PLEKHA3: variants seen among roughly 807,000 people sequenced by gnomAD.
The protein encoded by PLEKHA3 is pleckstrin homology domain containing A3, also known as pleckstrin homology domain-containing family A member 3.
Under a neutral mutation model 39.2 loss-of-function variants are expected in PLEKHA3, and 19 were observed. The observed-to-expected ratio is 0.48, with a 90% CI of 0.34 to 0.71. The LOEUF (loss-of-function observed/expected upper bound fraction) is 0.71. Ranked by LOEUF, PLEKHA3 falls within the 30% of genes least tolerant of loss-of-function variation. The pLI, the probability that PLEKHA3 is intolerant of heterozygous loss-of-function variation, is 0.01. For synonymous variants in PLEKHA3, 97 were observed against 118.6 expected, an observed-to-expected ratio of 0.82 and a Z score of 1.18; for missense variants, 253 against 359.5, an observed-to-expected ratio of 0.70 and a Z score of 2.40.
Position 178,513,018 on chromosome 2 carries a change from T to G in PLEKHA3, c.*9131T>G, listed in dbSNP as rs1465316986. On this transcript the variant is annotated 3_prime_UTR_variant, in exon 8 of 8. Transcript: ENST00000234453. Reference sequence around the variant, plus strand: ...GATTAGCTCATCCATAGCAGGGTGGTTAAATAAACAGTGGCACTTTTTTTT... The same window carrying G: ...GATTAGCTCATCCATAGCAGGGTGGGTAAATAAACAGTGGCACTTTTTTTT... 5 of 153,710 alleles carry G rather than the reference T, an allele frequency of 3.3e-5. No homozygotes were observed. Among genetic ancestry groups the G allele is most frequent in the African/African-American group, 1.2e-4 (5 of 41,414 alleles). 9.5% of individuals were successfully genotyped at this position (153,710 alleles called of 1,614,324 possible).
intron 4 of PLEKHA3, 35 bp downstream of exon 4, chr2:178,494,024 G>C (rs1250140594): frequency 6.2e-7 from 1 of 1,604,570 alleles, no homozygotes; most frequent in Admixed American, 1.7e-5. Flanking sequence ...GTGTGGTTAT[G>C]CTTTGGAGTA....
rs906744705 is a variant in PLEKHA3 at position 178,515,240 on chromosome 2, CTG to C, written c.*11358_*11359del. The C allele has an allele frequency of 1.3e-5, 2 of 151,776 alleles. No individual in the cohort carries two copies. The highest frequency in any genetic ancestry group is 2.9e-5 in the Non-Finnish European group (2 of 67,986). The allele number at this position is 151,776 out of a possible 1,614,324, so 9.4% of individuals were successfully genotyped here. On this transcript the variant is annotated 3_prime_UTR_variant, in exon 8 of 8. Coordinates refer to ENST00000234453, the MANE Select transcript of PLEKHA3 (RefSeq NM_019091.4). ...TACTCTAGAGAAAACGAAAGACTCA[CTG>C]TGTGAGTTTTCTTGCCCTCTGGTTT...
At position 178,485,623 on chromosome 2, in the gene PLEKHA3, T is replaced by G. The variant is rs781561622; in HGVS notation, c.41-18T>G. On this transcript the variant is annotated intron_variant, in intron 1 of 7. Transcript: ENST00000234453. ...AATGTGTTTCCAATTGACCTTTTGT[T>G]ATTTATGGTCTTTTTAGGCTGGCAG... 1 of 1,523,214 alleles carries G rather than the reference T, an allele frequency of 6.6e-7. No individual in the cohort carries two copies. Among genetic ancestry groups the G allele is most frequent in the South Asian group, 1.1e-5 (1 of 88,798 alleles). 94.4% of individuals were successfully genotyped at this position (1,523,214 alleles called of 1,614,324 possible). A position where few individuals can be genotyped will look rare whatever the true frequency, so the allele number is the denominator to read the frequency against.
chr2:178,509,526 TGAGTATAGTG>T lies in PLEKHA3; in HGVS notation c.*5644_*5653del, dbSNP rs1254692558. 6.6e-6 allele frequency: 1 copy of T among 151,886 alleles called. No homozygotes were observed. Among genetic ancestry groups the T allele is most frequent in the Non-Finnish European group, 1.5e-5 (1 of 67,990 alleles). 9.4% of individuals were successfully genotyped at this position (151,886 alleles called of 1,614,324 possible). A position where few individuals can be genotyped will look rare whatever the true frequency, so the allele number is the denominator to read the frequency against. ...AGGGTCTCACTCTTTCACCCAGTCT[TGAGTATAGTG>T]GAGTGATCTCAGCTCACTGCAGTCT... is the stretch of plus-strand genomic sequence containing the variant. On this transcript the variant is annotated 3_prime_UTR_variant, in exon 8 of 8. Transcript: ENST00000234453.
In PLEKHA3 at chr2:178,490,379, G is replaced by C. The variant is rs182197291; in HGVS notation, c.158-280G>C. 5.9e-5 allele frequency among the ~76,000 whole-genome samples: 9 copies of C among 152,296 alleles called. No homozygotes were observed. The East Asian group carries it at 1.5e-3, about 26-fold the overall frequency. On this transcript the variant is annotated intron_variant, in intron 2 of 7. Transcript: ENST00000234453. ...TTAATAGGATAAGTGGCCCCAAGGT[G>C]GGGGAGGGCTGTCACTTCTCAGTAG...
In PLEKHA3 at chr2:178,499,913, T is replaced by A. The variant is rs115240964; in HGVS notation, c.659+659T>A. Among the ~76,000 whole-genome samples the A allele has an allele frequency of 5.2e-3, 786 of 152,252 alleles. 9 individuals carry two copies. Among genetic ancestry groups the A allele is most frequent in the African/African-American group, 0.019 (769 of 41,566 alleles). On this transcript the variant is annotated intron_variant, in intron 6 of 7. Transcript: ENST00000234453. ...AAGTACATTTTTGATGTGTTGAGAC[T>A]CCACAGCTAGGGCTCATTTTACCTC...
In PLEKHA3 at chr2:178,486,262, A is replaced by G. The variant is rs1047368704; in HGVS notation, c.157+505A>G. Among the ~76,000 whole-genome samples the G allele has an allele frequency of 2.0e-5, 3 of 152,232 alleles. No homozygotes were observed. The South Asian group carries it at 6.2e-4, about 32-fold the overall frequency. ...CTTCCAAAAGGGGAGAAATAAAGCA[A>G]TAGGTCCTGCTGTAATTTTCGTGAA... On this transcript the variant is annotated intron_variant, in intron 2 of 7. Transcript: ENST00000234453.
At position 178,509,765 on chromosome 2, in the gene PLEKHA3, C is replaced by A. The variant is rs1685655671; in HGVS notation, c.*5878C>A. On this transcript the variant is annotated 3_prime_UTR_variant, in exon 8 of 8. Transcript: ENST00000234453. ...AAATTCTCGGATTACAGGCATGAGC[C>A]ACACTGCACTCTCCTATCTCTCTCA... The A allele has an allele frequency of 6.6e-6, 1 of 152,242 alleles. No homozygotes were observed. The highest frequency in any genetic ancestry group is 1.5e-5 in the Non-Finnish European group (1 of 68,124). The allele number at this position is 152,242 out of a possible 1,614,324, so 9.4% of individuals were successfully genotyped here.
At chr2:178,500,122 A>T (rs1281228204) in intron 6 of PLEKHA3, among the ~76,000 whole-genome samples, 1 of 152,186 alleles carries the variant, frequency 6.6e-6, no homozygotes, top group Non-Finnish European at 1.5e-5. Context: ...TTTGTTAGGT[A>T]ATAGTCCTTT....
In PLEKHA3 at chr2:178,490,551, A is replaced by C. The variant is rs138956291; in HGVS notation, c.158-108A>C. The stretch of plus-strand genomic sequence containing the variant: ...TGCCTGCATCATGAATGATAGTTCA[A>C]TGTTTTTGGTATATGAAGCATCTGA... On this transcript the variant is annotated intron_variant, in intron 2 of 7. Coordinates refer to ENST00000234453, the MANE Select transcript of PLEKHA3 (RefSeq NM_019091.4). 7.2e-5 allele frequency: 82 copies of C among 1,135,776 alleles called. No homozygotes were observed. In the African/African-American group the frequency reaches 1.2e-3, roughly 17 times the overall value. 70.4% of individuals were successfully genotyped at this position (1,135,776 alleles called of 1,614,324 possible).
At chr2:178,487,260 G>A (rs947101595) in intron 2 of PLEKHA3, among the ~76,000 whole-genome samples, 2 of 152,106 alleles carry the variant, frequency 1.3e-5, no homozygotes, top group African/African-American at 4.8e-5. Flanking sequence ...TATCAAGGGC[G>A]GGTGATGAAA....
intron 6 of PLEKHA3, among the ~76,000 whole-genome samples, chr2:178,500,234 C>T (rs1685509438): frequency 6.6e-6 from 1 of 151,882 alleles, no homozygotes; most frequent in South Asian, 2.1e-4. Flanking sequence ...GCTGTTTTGT[C>T]ATGTTTTAAT....
At position 178,493,845 on chromosome 2, in the gene PLEKHA3, C is replaced by T; in HGVS notation, c.314-8C>T. The T allele has an allele frequency of 1.9e-6, 3 of 1,609,538 alleles. No individual in the cohort carries two copies. Among genetic ancestry groups the T allele is most frequent in the South Asian group, 2.2e-5 (2 of 90,578 alleles). On this transcript the variant is annotated splice_region_variant and splice_polypyrimidine_tract_variant and intron_variant, in intron 3 of 7. Transcript: ENST00000234453. ...ATCTAACTGTATATTTATGTATATT[C>T]TTTTCAGAAATAAGTGAAACCAGTG...
chr2:178,502,452 G>A (rs868690852), intron 7 of PLEKHA3: 1 of 322,190 alleles, frequency 3.1e-6, no homozygotes, highest in Non-Finnish European at 6.2e-6. Context: ...GGTTAAAGAG[G>A]TTGAGTATGT....
At chr2:178,502,949 G>A (rs1193411116) in intron 7 of PLEKHA3, among the ~76,000 whole-genome samples, 4 of 151,912 alleles carry the variant, frequency 2.6e-5, no homozygotes, top group Non-Finnish European at 4.4e-5. Flanking sequence ...AGCTGACAAA[G>A]CAAAGATTGA....
chr2:178,509,653 T>G lies in PLEKHA3; in HGVS notation c.*5766T>G, dbSNP rs1685653397. 5 of 152,016 alleles carry G rather than the reference T, an allele frequency of 3.3e-5. No individual in the cohort carries two copies. The South Asian group carries it at 1.0e-3, about 32-fold the overall frequency. The allele number at this position is 152,016 out of a possible 1,614,324, so 9.4% of individuals were successfully genotyped here. A position where few individuals can be genotyped will look rare whatever the true frequency, so the allele number is the denominator to read the frequency against. On this transcript the variant is annotated 3_prime_UTR_variant, in exon 8 of 8. Coordinates refer to ENST00000234453, the MANE Select transcript of PLEKHA3 (RefSeq NM_019091.4). Reference sequence around the variant, plus strand: ...CCACTACTCCTGGCTAATTTTTGTATTTTTTTGTAGCAGCAGGGTTTTGCC... The same window carrying G: ...CCACTACTCCTGGCTAATTTTTGTAGTTTTTTGTAGCAGCAGGGTTTTGCC...
chr2:178,495,451 T>C, intron 4 of PLEKHA3, 45 bp from the exon 5 acceptor site: 1 of 1,578,552 alleles, frequency 6.3e-7, no homozygotes, highest in Non-Finnish European at 8.7e-7. Context: ...TATGATTCCA[T>C]GTAGTTGTAT....
Position 178,480,533 on chromosome 2 carries a change from G to A in PLEKHA3, c.-337G>A, listed in dbSNP as rs531029311. On this transcript the variant is annotated 5_prime_UTR_variant, in exon 1 of 8. Transcript: ENST00000234453. The stretch of plus-strand genomic sequence containing the variant: ...AGGGGGAAGGAAGGCAGGCGAGGAA[G>A]AGGCAGCGCCGGGGCGCCGGAGGGA... The A allele has an allele frequency of 9.5e-3, 1,931 of 203,620 alleles. 29 individuals are homozygous for A. The highest frequency in any genetic ancestry group is 0.034 in the African/African-American group (1,452 of 43,220). 12.6% of individuals were successfully genotyped at this position (203,620 alleles called of 1,614,324 possible). A position where few individuals can be genotyped will look rare whatever the true frequency, so the allele number is the denominator to read the frequency against.
chr2:178,504,107 G>A lies in PLEKHA3; in HGVS notation c.*220G>A. On this transcript the variant is annotated 3_prime_UTR_variant, in exon 8 of 8. Transcript: ENST00000234453. ...TTCCTAATAACTTCACAGTATGAAT[G>A]TGCATCTTTTTTTTTTGAACAAATG... 2.7e-6 allele frequency: 1 copy of A among 366,816 alleles called. No individual in the cohort carries two copies. 22.7% of individuals were successfully genotyped at this position (366,816 alleles called of 1,614,324 possible).
Sources: allele counts gnomAD v4.1 joint callset (sites outside exome capture counted in the v4.1 genomes callset), GRCh38; gene constraint gnomAD v4.1.1; transcripts MANE v1.5; gene names NCBI Gene and HGNC (gene_info 2026-07-23, HGNC 2026-07-21).